Variants in GUCY1A2 observed in about 807,000 individuals in gnomAD.
GUCY1A2 encodes the protein guanylate cyclase soluble subunit alpha-2.
In GUCY1A2, 27 loss-of-function variants were observed where a neutral mutation model predicts 63.5. That is an observed-to-expected ratio of 0.43 (90% CI 0.31 to 0.59). The LOEUF is 0.59. Among genes scored for constraint, GUCY1A2 ranks in the 20% least tolerant of loss-of-function variants. The pLI is 0.11. For missense variants in GUCY1A2, 768 were observed against 913.3 expected (o/e 0.84, Z 2.05); for synonymous variants, 364 against 343.5 (o/e 1.06, Z -0.66).
At chr11:106,989,304 G>A (rs1861441439) in intron 1 of GUCY1A2, among the ~76,000 whole-genome samples, 2 of 152,066 alleles carry the variant, frequency 1.3e-5, no homozygotes, top group African/African-American at 4.8e-5. Flanking sequence ...ATGACCTTGG[G>A]CAATTTACTT....
At chr11:106,700,984 T>C (rs1862808263) in intron 7 of GUCY1A2, among the ~76,000 whole-genome samples, 1 of 152,182 alleles carries the variant, frequency 6.6e-6, no homozygotes, top group African/African-American at 2.4e-5. Flanking sequence ...TGTTTTTGAC[T>C]AGTATTACTG....
intron 3 of GUCY1A2, among the ~76,000 whole-genome samples, chr11:106,961,909 T>C (rs955851162): frequency 6.6e-6 from 1 of 152,192 alleles, no homozygotes; most frequent in African/African-American, 2.4e-5. Flanking sequence ...ATGTAGGCAA[T>C]CTTCATTTTA....
At chr11:106,950,712 C>A (rs1236965875) in intron 3 of GUCY1A2, among the ~76,000 whole-genome samples, 2 of 152,158 alleles carry the variant, frequency 1.3e-5, no homozygotes, top group Non-Finnish European at 2.9e-5. Context: ...ATGGACCGAT[C>A]CTCGGAGGGC....
chr11:106,866,481 G>C (rs1269161083), intron 4 of GUCY1A2, among the ~76,000 whole-genome samples: 2 of 152,080 alleles, frequency 1.3e-5, no homozygotes, highest in Non-Finnish European at 2.9e-5. Flanking sequence ...GATTTGGAGA[G>C]AGAATGAACT....
At chr11:106,964,240 C>G (rs546461265) in intron 3 of GUCY1A2, among the ~76,000 whole-genome samples, 1 of 152,308 alleles carries the variant, frequency 6.6e-6, no homozygotes, top group South Asian at 2.1e-4. Flanking sequence ...TTTCCTAGTC[C>G]GAGATCCAGT....
At chr11:106,820,228 T>C (rs938800416) in intron 4 of GUCY1A2, among the ~76,000 whole-genome samples, 5 of 152,120 alleles carry the variant, frequency 3.3e-5, no homozygotes, top group Admixed American at 6.6e-5. Flanking sequence ...AAAAATATCA[T>C]CCTAATGTCT....
chr11:106,695,985 C>T (rs1231363013), intron 7 of GUCY1A2, among the ~76,000 whole-genome samples: 6 of 152,072 alleles, frequency 3.9e-5, no homozygotes, highest in African/African-American at 9.7e-5. Flanking sequence ...TTCAGCGACA[C>T]CCCTGCACAT....
intron 3 of GUCY1A2, among the ~76,000 whole-genome samples, chr11:106,954,001 G>A (rs1335764084): frequency 6.6e-6 from 1 of 151,886 alleles, no homozygotes; most frequent in Non-Finnish European, 1.5e-5. Flanking sequence ...GGTTTTTCAT[G>A]TCTCTATCTC....
rs941498942 is a variant in GUCY1A2 at position 107,018,192 on chromosome 11, G to C, written c.-137C>G. 6.4e-6 allele frequency: 2 copies of C among 314,172 alleles called. No homozygotes were observed. The highest frequency in any genetic ancestry group is 4.5e-5 in the African/African-American group (2 of 44,286). 19.5% of individuals were successfully genotyped at this position (314,172 alleles called of 1,614,324 possible). A position where few individuals can be genotyped will look rare whatever the true frequency, so the allele number is the denominator to read the frequency against. ...GGGCGCTGCGGTCGCGCCCGGCGGGGCGGGAGTCCCCGGGGCCGCGGAGCC... is the reference window on the plus strand; with the variant it reads ...GGGCGCTGCGGTCGCGCCCGGCGGGCCGGGAGTCCCCGGGGCCGCGGAGCC... On this transcript the variant is annotated 5_prime_UTR_variant, in exon 1 of 8. Transcript: ENST00000526355.
At chr11:106,769,480 G>T (rs1177493588) in intron 6 of GUCY1A2, among the ~76,000 whole-genome samples, 1 of 152,072 alleles carries the variant, frequency 6.6e-6, no homozygotes, top group African/African-American at 2.4e-5. Flanking sequence ...TTATTAAAAG[G>T]AAGCAAACTA....
intron 4 of GUCY1A2, among the ~76,000 whole-genome samples, chr11:106,896,480 A>G (rs943185376): frequency 6.6e-6 from 1 of 152,208 alleles, no homozygotes; most frequent in Non-Finnish European, 1.5e-5. Flanking sequence ...AAAGGGAAAT[A>G]AAATTACTAT....
intron 4 of GUCY1A2, among the ~76,000 whole-genome samples, chr11:106,853,991 G>A (rs756832281): frequency 1.1e-4 from 16 of 152,234 alleles, no homozygotes; most frequent in African/African-American, 1.7e-4. Flanking sequence ...TGGGGACAAG[G>A]TCACCAGGTG....
chr11:106,960,839 A>C (rs1410458372), intron 3 of GUCY1A2, among the ~76,000 whole-genome samples: 1 of 152,164 alleles, frequency 6.6e-6, no homozygotes, highest in East Asian at 1.9e-4. Context: ...AGCCAACACA[A>C]GCACCAAGTC....
chr11:106,814,445 T>A (rs1264921520), intron 4 of GUCY1A2, among the ~76,000 whole-genome samples: 1 of 152,080 alleles, frequency 6.6e-6, no homozygotes, highest in Non-Finnish European at 1.5e-5. Flanking sequence ...GAAGCTTCCA[T>A]GTTCTTAATG....
At chr11:106,900,508 T>C (rs1860117263) in intron 4 of GUCY1A2, among the ~76,000 whole-genome samples, 1 of 152,242 alleles carries the variant, frequency 6.6e-6, no homozygotes, top group Admixed American at 6.5e-5. Flanking sequence ...GTGGGCCAAT[T>C]TAACGAAGTA....
intron 6 of GUCY1A2, among the ~76,000 whole-genome samples, chr11:106,729,588 A>C (rs928674004): frequency 6.6e-6 from 1 of 152,152 alleles, no homozygotes; most frequent in Non-Finnish European, 1.5e-5. Flanking sequence ...ATTTAATTAC[A>C]GACCATTTTC....
At chr11:106,888,178 G>C (rs1457328413) in intron 4 of GUCY1A2, among the ~76,000 whole-genome samples, 1 of 152,090 alleles carries the variant, frequency 6.6e-6, no homozygotes, top group Non-Finnish European at 1.5e-5. Context: ...TGATTTTGAG[G>C]CCGGGCACGG....
At position 106,902,606 on chromosome 11, in the gene GUCY1A2, C is replaced by T. The variant is rs117809300; in HGVS notation, c.1206+36854G>A. ...GGATCTCCTGCAGCTTCTATATCAACACATGCTGCTGGTTTTCTATCATAA... is the reference window on the plus strand; with the variant it reads ...GGATCTCCTGCAGCTTCTATATCAATACATGCTGCTGGTTTTCTATCATAA... On this transcript the variant is annotated intron_variant, in intron 4 of 7. Coordinates refer to ENST00000526355, the MANE Select transcript of GUCY1A2 (RefSeq NM_000855.3). Among the ~76,000 whole-genome samples, 80 of 152,306 alleles carry T rather than the reference C, an allele frequency of 5.3e-4. 1 individual carries two copies. In the East Asian group the frequency reaches 0.013, roughly 25 times the overall value.
chr11:106,950,550 G>A (rs1054666976), intron 3 of GUCY1A2, among the ~76,000 whole-genome samples: 11 of 152,112 alleles, frequency 7.2e-5, no homozygotes, highest in Non-Finnish European at 1.2e-4. Context: ...CACTTCTCAC[G>A]CCTTTACTTT....
Sources: allele counts gnomAD v4.1 joint callset (sites outside exome capture counted in the v4.1 genomes callset), GRCh38; gene constraint gnomAD v4.1.1; transcripts MANE v1.5; gene names NCBI Gene and HGNC (gene_info 2026-07-23, HGNC 2026-07-21).